Variants in LRRIQ1 observed in about 807,000 individuals in gnomAD.
The protein encoded by LRRIQ1 is leucine-rich repeat- and IQ domain-containing protein 1.
LRRIQ1 carries 210 observed loss-of-function variants against 211.9 expected under a neutral mutation model. That is an observed-to-expected ratio of 0.99 (90% CI 0.89 to 1.11). LRRIQ1 has a LOEUF of 1.11. LRRIQ1 is among the 50% of genes most tolerant of loss of function. The pLI is 0.00. For synonymous variants in LRRIQ1, 699 were observed against 650.1 expected (o/e 1.08, Z -1.14); for missense variants, 2,136 against 1,939.5 (o/e 1.10, Z -1.90).
At chr12:85,245,124 T>C (rs144779465), downstream of LRRIQ1, 933 of 1,085,264 alleles carry the variant, frequency 8.6e-4, 4 homozygotes, top group African/African-American at 0.014. Context: ...GTTTTTATTT[T>C]AATTGTATTT....
chr12:85,110,404 T>C (rs1887090655), intron 15 of LRRIQ1, among the ~76,000 whole-genome samples: 1 of 152,258 alleles, frequency 6.6e-6, no homozygotes, highest in South Asian at 2.1e-4. Context: ...TAATTATGTA[T>C]GTAACCCAGC....
intron 24 of LRRIQ1, among the ~76,000 whole-genome samples, chr12:85,172,491 C>T (rs1891466690): frequency 6.6e-6 from 1 of 152,112 alleles, no homozygotes; most frequent in South Asian, 2.1e-4. Context: ...TTCTCAATTG[C>T]AAAATCAGAA....
chr12:85,175,519 T>A (rs1891651503), intron 24 of LRRIQ1, among the ~76,000 whole-genome samples: 3 of 152,156 alleles, frequency 2.0e-5, no homozygotes, highest in Admixed American at 2.0e-4. Flanking sequence ...TATGGTTAAA[T>A]CTAAATAATC....
At chr12:85,115,427 C>T (rs186625922) in intron 15 of LRRIQ1, among the ~76,000 whole-genome samples, 1 of 152,252 alleles carries the variant, frequency 6.6e-6, no homozygotes, top group Admixed American at 6.5e-5. Flanking sequence ...ATATAAATCA[C>T]AAATTTCAAG....
At position 85,245,020 on chromosome 12, in the gene LRRIQ1, A is replaced by T; in HGVS notation, c.*79A>T. On this transcript the variant is annotated 3_prime_UTR_variant, in exon 27 of 27. Transcript: ENST00000393217. Reference sequence around the variant, plus strand: ...AGGGGGTAGGATGCCAGCAACCTGAACTGCCCAAAAATGTGTATTTAAATT... The same window carrying T: ...AGGGGGTAGGATGCCAGCAACCTGATCTGCCCAAAAATGTGTATTTAAATT... 6.6e-7 allele frequency: 1 copy of T among 1,523,924 alleles called. No homozygotes were observed. The highest frequency in any genetic ancestry group is 1.3e-5 in the South Asian group (1 of 77,804). The allele number at this position is 1,523,924 out of a possible 1,614,324, so 94.4% of individuals were successfully genotyped here. A position where few individuals can be genotyped will look rare whatever the true frequency, so the allele number is the denominator to read the frequency against.
chr12:85,131,348 C>T (rs1250727363), intron 18 of LRRIQ1, among the ~76,000 whole-genome samples: 1 of 152,018 alleles, frequency 6.6e-6, no homozygotes, highest in African/African-American at 2.4e-5. Flanking sequence ...CCCAAGTCAC[C>T]TCATGTTAAA....
chr12:85,197,917 AATAT>A (rs1183186038), intron 24 of LRRIQ1, among the ~76,000 whole-genome samples: 15 of 120,374 alleles, frequency 1.2e-4, no homozygotes, highest in African/African-American at 3.8e-4. Context: ...ATATAATAAA[AATAT>A]ATATAATATA....
intron 23 of LRRIQ1, among the ~76,000 whole-genome samples, chr12:85,155,889 G>T (rs1356615891): frequency 1.3e-5 from 2 of 151,540 alleles, no homozygotes; most frequent in Admixed American, 1.3e-4. Context: ...AGAGGATTCA[G>T]TAAGGAATAT....
At chr12:85,066,435 T>C (rs943958419) in intron 9 of LRRIQ1, among the ~76,000 whole-genome samples, 5 of 152,020 alleles carry the variant, frequency 3.3e-5, no homozygotes, top group Middle Eastern at 6.8e-3. Flanking sequence ...GCCGTTCTCA[T>C]TCAAGATGAG....
intron 3 of LRRIQ1, among the ~76,000 whole-genome samples, chr12:85,042,620 A>G (rs115345174): frequency 0.028 from 4,152 of 150,562 alleles, 190 homozygotes; most frequent in African/African-American, 0.095. Flanking sequence ...TATATGAATT[A>G]TTTAATTTAA....
At chr12:85,115,086 T>C (rs1887479553) in intron 15 of LRRIQ1, among the ~76,000 whole-genome samples, 1 of 152,210 alleles carries the variant, frequency 6.6e-6, no homozygotes, top group African/African-American at 2.4e-5. Context: ...TCTCATTCAT[T>C]CATGATTAAT....
intron 23 of LRRIQ1, among the ~76,000 whole-genome samples, chr12:85,159,758 T>A (rs917717075): frequency 7.9e-5 from 12 of 152,004 alleles, no homozygotes; most frequent in African/African-American, 2.4e-4. Context: ...ACATGTCATT[T>A]TTTTTTGTAA....
At chr12:85,259,366 T>G (rs1896219436) in intron 1 of LRRIQ1, among the ~76,000 whole-genome samples, 1 of 152,096 alleles carries the variant, frequency 6.6e-6, no homozygotes, top group African/African-American at 2.4e-5. Flanking sequence ...TTGACCATAT[T>G]AAATTGCTTC....
At chr12:85,066,289 G>A (rs578024759) in intron 9 of LRRIQ1, among the ~76,000 whole-genome samples, 23 of 151,902 alleles carry the variant, frequency 1.5e-4, no homozygotes, top group African/African-American at 5.3e-4. Flanking sequence ...TGGAGATGAG[G>A]CTCACCAGGT....
intron 19 of LRRIQ1, among the ~76,000 whole-genome samples, chr12:85,151,530 T>C (rs932023716): frequency 2.6e-5 from 4 of 151,718 alleles, no homozygotes; most frequent in African/African-American, 4.8e-5. Flanking sequence ...TAGAAATTAA[T>C]TCTAAGCCAT....
intron 24 of LRRIQ1, among the ~76,000 whole-genome samples, chr12:85,183,142 A>T (rs916402866): frequency 6.6e-6 from 1 of 152,156 alleles, no homozygotes; most frequent in Non-Finnish European, 1.5e-5. Context: ...ACATTTGTAG[A>T]ATAAAACAAT....
intron 24 of LRRIQ1, among the ~76,000 whole-genome samples, chr12:85,217,766 G>A (rs1306531278): frequency 8.7e-6 from 1 of 115,246 alleles, no homozygotes; most frequent in African/African-American, 7.5e-5. Flanking sequence ...TATATAAAAT[G>A]TGTGTGTCTC....
chr12:85,232,736 G>T lies in LRRIQ1; in HGVS notation c.4996G>T (p.Gly1666Cys), dbSNP rs202233927. The T allele has an allele frequency of 6.2e-6, 10 of 1,612,640 alleles. No individual in the cohort carries two copies. The highest frequency in any genetic ancestry group is 8.5e-6 in the Non-Finnish European group (10 of 1,179,158). The change falls in exon 26 of 27, where the codon GGT becomes TGT. Residue 1666 changes from glycine to cysteine, a missense_variant. Coordinates refer to ENST00000393217, the MANE Select transcript of LRRIQ1 (RefSeq NM_001079910.2). ...LPELDPDVLN[G>C]GRVQLVARLV... ...TGAGTTAGATCCAGATGTACTTAAT[G>T]GTGGAAGAGTTCAGCTTGTGGTAAG... is the stretch of plus-strand genomic sequence containing the variant.
chr12:85,212,996 T>C (rs1399180770), intron 24 of LRRIQ1, among the ~76,000 whole-genome samples: 1 of 151,212 alleles, frequency 6.6e-6, no homozygotes, highest in African/African-American at 2.4e-5. Flanking sequence ...AATGAGATTG[T>C]GTACTTAAAC....
Sources: allele counts gnomAD v4.1 joint callset (sites outside exome capture counted in the v4.1 genomes callset), GRCh38; gene constraint gnomAD v4.1.1; transcripts MANE v1.5; gene names NCBI Gene and HGNC (gene_info 2026-07-23, HGNC 2026-07-21).